The following UGT8 variants were observed in gnomAD, a reference collection of about 807,000 sequenced individuals.
UGT8 encodes 2-hydroxyacylsphingosine 1-beta-galactosyltransferase.
UGT8 carries 12 observed loss-of-function variants against 40.5 expected under a neutral mutation model. The observed-to-expected ratio is 0.30, with a 90% CI of 0.19 to 0.48. UGT8 has a LOEUF of 0.48. Ranked by LOEUF, UGT8 falls within the 20% of genes least tolerant of loss-of-function variation. The pLI, the probability that UGT8 is intolerant of heterozygous loss-of-function variation, is 0.99. For synonymous variants in UGT8, 224 were observed against 240.4 expected, an observed-to-expected ratio of 0.93 and a Z score of 0.63; for missense variants, 513 against 648.7, an observed-to-expected ratio of 0.79 and a Z score of 2.27.
chr4:114,642,577 T>C (rs2126114858), intron 2 of UGT8, among the ~76,000 whole-genome samples: 1 of 152,268 alleles, frequency 6.6e-6, no homozygotes, highest in South Asian at 2.1e-4. Context: ...TGAGCAGCTG[T>C]ATATTGAATC....
At chr4:114,673,362 C>T (rs565558138) in intron 5 of UGT8, among the ~76,000 whole-genome samples, 2 of 152,170 alleles carry the variant, frequency 1.3e-5, no homozygotes, top group Non-Finnish European at 2.9e-5. Flanking sequence ...CATGGACCTC[C>T]TCTGAACAGA....
intron 2 of UGT8, chr4:114,663,672 A>C: frequency 1.0e-6 from 1 of 984,868 alleles, no homozygotes; most frequent in East Asian, 1.1e-4. Context: ...TCTGCATACA[A>C]ATTTTTTTCT....
chr4:114,624,002 T>G (rs529528885), intron 2 of UGT8, among the ~76,000 whole-genome samples: 1 of 152,300 alleles, frequency 6.6e-6, no homozygotes, highest in Non-Finnish European at 1.5e-5. Flanking sequence ...AGAATATAGT[T>G]AAATGGTTAA....
chr4:114,665,394 G>A, intron 3 of UGT8: 1 of 985,320 alleles, frequency 1.0e-6, no homozygotes, highest in Admixed American at 6.1e-5. Flanking sequence ...TTGTTTGTTT[G>A]TTTGTTTGTT....
At chr4:114,644,127 C>CT (rs1733401209) in intron 2 of UGT8, among the ~76,000 whole-genome samples, 1 of 152,078 alleles carries the variant, frequency 6.6e-6, no homozygotes, top group African/African-American at 2.4e-5. Flanking sequence ...AGAAATAGTT[C>CT]TTTTGGGGCC....
At position 114,622,955 on chromosome 4, in the gene UGT8, C is replaced by A. The variant is rs375443200; in HGVS notation, c.75C>A (p.Ile25=). ...VGIAKAAKII[I]VPPIMFESHM... ...TAGCGAAGGCTGCCAAAATCATCATCGTGCCGCCAATTATGTTTGAAAGCC... is the reference window on the plus strand; with the variant it reads ...TAGCGAAGGCTGCCAAAATCATCATAGTGCCGCCAATTATGTTTGAAAGCC... Residue 25 remains isoleucine, a synonymous_variant, in exon 2 of 6, where the codon ATC becomes ATA. Transcript: ENST00000310836. 2 of 1,613,968 alleles carry A rather than the reference C, an allele frequency of 1.2e-6. No homozygotes were observed. The highest frequency in any genetic ancestry group is 1.7e-6 in the Non-Finnish European group (2 of 1,180,016).
rs1184768905 is a variant in UGT8, at chr4:114,677,802, C to T, written c.*1514C>T. ...ACATTTACCTAATGTCATTCACTAA[C>T]ATGGAAGAGTTGTGAAAATTCTAGA... is the stretch of plus-strand genomic sequence containing the variant. On this transcript the variant is annotated 3_prime_UTR_variant, in exon 6 of 6. Coordinates refer to ENST00000310836, the MANE Select transcript of UGT8 (RefSeq NM_001128174.3). 1 of 152,152 alleles carries T rather than the reference C, an allele frequency of 6.6e-6. No individual in the cohort carries two copies. The highest frequency in any genetic ancestry group is 2.4e-5 in the African/African-American group (1 of 41,450). 9.4% of individuals were successfully genotyped at this position (152,152 alleles called of 1,614,324 possible).
At chr4:114,673,590 A>G (rs1012079900) in intron 5 of UGT8, among the ~76,000 whole-genome samples, 1 of 152,228 alleles carries the variant, frequency 6.6e-6, no homozygotes, top group Non-Finnish European at 1.5e-5. Flanking sequence ...GAGATTTTCC[A>G]TTAAAGCATC....
intron 1 of UGT8, among the ~76,000 whole-genome samples, chr4:114,600,237 G>T (rs1730361494): frequency 6.6e-6 from 1 of 151,800 alleles, no homozygotes; most frequent in Non-Finnish European, 1.5e-5. Context: ...TATTTCTGGG[G>T]ATCCTATTGG....
intron 1 of UGT8, among the ~76,000 whole-genome samples, chr4:114,612,020 C>A (rs775495056): frequency 9.2e-5 from 14 of 152,130 alleles, no homozygotes; most frequent in Non-Finnish European, 1.8e-4. Flanking sequence ...TACCAGATAT[C>A]TCATCAATTC....
intron 2 of UGT8, among the ~76,000 whole-genome samples, chr4:114,638,641 G>A (rs1261988254): frequency 6.6e-6 from 1 of 152,200 alleles, no homozygotes; most frequent in Non-Finnish European, 1.5e-5. Context: ...CAGAGAGCAA[G>A]GAGCTCCTTC....
chr4:114,612,663 T>A (rs188562564), intron 1 of UGT8, among the ~76,000 whole-genome samples: 1 of 152,316 alleles, frequency 6.6e-6, no homozygotes, highest in East Asian at 1.9e-4. Context: ...TTGATCATTT[T>A]ATTACTCTTT....
In UGT8 at chr4:114,677,874, C is replaced by T. The variant is rs1735747345; in HGVS notation, c.*1586C>T. ...CACTATGACAAACAACTTCATTACTCTCCCACCAGGAGCTGCTCTCCTGCA... is the reference window on the plus strand; with the variant it reads ...CACTATGACAAACAACTTCATTACTTTCCCACCAGGAGCTGCTCTCCTGCA... On this transcript the variant is annotated 3_prime_UTR_variant, in exon 6 of 6. Coordinates refer to ENST00000310836, the MANE Select transcript of UGT8 (RefSeq NM_001128174.3). The T allele has an allele frequency of 6.6e-6, 1 of 152,200 alleles. No individual in the cohort carries two copies. Among genetic ancestry groups the T allele is most frequent in the Non-Finnish European group, 1.5e-5 (1 of 68,028 alleles). The allele number at this position is 152,200 out of a possible 1,614,324, so 9.4% of individuals were successfully genotyped here.
Position 114,632,123 on chromosome 4 carries a change from T to A in UGT8, c.822+8421T>A, listed in dbSNP as rs562527094. ...CTTTTGGCCTTCGAGTATATTTTGG[T>A]AAAGCAGCATTTATTGCTGTTTGTA... On this transcript the variant is annotated intron_variant, in intron 2 of 5. Transcript: ENST00000310836. Among the ~76,000 whole-genome samples the A allele has an allele frequency of 2.6e-5, 4 of 152,364 alleles. No individual in the cohort carries two copies. In the East Asian group the frequency reaches 7.7e-4, roughly 29 times the overall value.
chr4:114,660,880 GA>G (rs1405971708), intron 2 of UGT8, among the ~76,000 whole-genome samples: 4 of 144,408 alleles, frequency 2.8e-5, no homozygotes, highest in African/African-American at 1.1e-4. Context: ...GACTGAGCGA[GA>G]CTCTGTCTCA....
chr4:114,661,114 T>C (rs906812393), intron 2 of UGT8, among the ~76,000 whole-genome samples: 3 of 152,178 alleles, frequency 2.0e-5, no homozygotes, highest in African/African-American at 7.2e-5. Context: ...GGTATATTTC[T>C]GTTAGGTTTA....
intron 2 of UGT8, among the ~76,000 whole-genome samples, chr4:114,635,148 C>G (rs1022984347): frequency 1.3e-5 from 2 of 151,652 alleles, no homozygotes; most frequent in Non-Finnish European, 2.9e-5. Context: ...GTCAGGAGTT[C>G]GAGACCAGCC....
Position 114,624,665 on chromosome 4 carries a change from C to T in UGT8, c.822+963C>T, listed in dbSNP as rs563159200. Among the ~76,000 whole-genome samples the T allele has an allele frequency of 6.6e-5, 10 of 152,164 alleles. No homozygotes were observed. The South Asian group carries it at 1.5e-3, about 22-fold the overall frequency. ...GATGAAGAGTAAATCCAGATTTTCT[C>T]GTATAGATGAGGACAATCACATGGC... is the stretch of plus-strand genomic sequence containing the variant. On this transcript the variant is annotated intron_variant, in intron 2 of 5. Transcript: ENST00000310836.
intron 1 of UGT8, 103 bp from the exon 2 acceptor site, chr4:114,622,776 A>C: frequency 9.4e-7 from 1 of 1,059,836 alleles, no homozygotes; most frequent in African/African-American, 1.6e-5. Flanking sequence ...TTTTAGACAA[A>C]GTATTAGATC....
Sources: allele counts gnomAD v4.1 joint callset (sites outside exome capture counted in the v4.1 genomes callset), GRCh38; gene constraint gnomAD v4.1.1; transcripts MANE v1.5; gene names NCBI Gene and HGNC (gene_info 2026-07-23, HGNC 2026-07-21).